Variants in SHF observed in about 807,000 individuals in gnomAD.
SHF encodes the protein Src homology 2 domain containing F.
In SHF, 30 loss-of-function variants were observed where a neutral mutation model predicts 42.4. That is an observed-to-expected ratio of 0.71 (90% CI 0.53 to 0.96). The LOEUF (loss-of-function observed/expected upper bound fraction) is 0.96, where lower values mean the gene tolerates loss of function less well. Among genes scored for constraint, SHF ranks in the 40% least tolerant of loss-of-function variants. The pLI is 0.00. For synonymous variants in SHF, 264 were observed against 269.9 expected (o/e 0.98, Z 0.21); for missense variants, 598 against 634.0 (o/e 0.94, Z 0.61).
upstream of SHF, among the ~76,000 whole-genome samples, chr15:45,188,909 C>G (rs1314776746): frequency 6.6e-6 from 1 of 152,178 alleles, no homozygotes; most frequent in Non-Finnish European, 1.5e-5. Context: ...AAAGCCAGTT[C>G]CGGCTGGGCG....
chr15:45,198,710 G>A, intron 2 of SHF: 1 of 1,547,970 alleles, frequency 6.5e-7, no homozygotes. Context: ...GTTGGCTTCT[G>A]ATTATCCTCT....
chr15:45,194,147 T>C (rs1189501434), intron 2 of SHF, among the ~76,000 whole-genome samples: 1 of 151,534 alleles, frequency 6.6e-6, no homozygotes, highest in African/African-American at 2.4e-5. Context: ...CCTGACATAG[T>C]TCCCAGCTTG....
intron 2 of SHF, among the ~76,000 whole-genome samples, chr15:45,193,163 A>G (rs1898757415): frequency 6.6e-6 from 1 of 152,254 alleles, no homozygotes; most frequent in Non-Finnish European, 1.5e-5. Context: ...ATTGCAAAAT[A>G]GTGACTCTCT....
chr15:45,175,352 A>G lies in SHF; in HGVS notation c.714T>C (p.Asp238=), dbSNP rs762113956. The G allele has an allele frequency of 3.8e-6, 6 of 1,598,644 alleles. No individual in the cohort carries two copies. The highest frequency in any genetic ancestry group is 1.7e-5 in the Admixed American group (1 of 57,830). The change falls in exon 3 of 7, where the codon GAT becomes GAC. Residue 238 remains aspartate, a synonymous_variant. Coordinates refer to ENST00000690270, the MANE Select transcript of SHF (RefSeq NM_001394037.1). ...CCCCCTCACCTTCCGCGGTGGCCCC[A>G]TCCTCCTCTGGCTCATAGGGTGTGT... The part of the protein sequence containing the change: ...LYDTPYEPEE[D]GATAEGEGAP...
intron 1 of SHF, among the ~76,000 whole-genome samples, chr15:45,187,018 G>C (rs953620609): frequency 6.6e-6 from 1 of 152,260 alleles, no homozygotes; most frequent in Non-Finnish European, 1.5e-5. Flanking sequence ...GGAGGGAAGA[G>C]CTTTGTGCTG....
chr15:45,169,023 C>T (rs1399385974), intron 6 of SHF, among the ~76,000 whole-genome samples: 1 of 152,178 alleles, frequency 6.6e-6, no homozygotes, highest in Non-Finnish European at 1.5e-5. Flanking sequence ...AGGTCTGAAA[C>T]TCAAGCACAG....
At chr15:45,186,739 A>G (rs552440685) in intron 1 of SHF, among the ~76,000 whole-genome samples, 4 of 152,256 alleles carry the variant, frequency 2.6e-5, no homozygotes, top group African/African-American at 9.6e-5. Context: ...TGTGGGCAAC[A>G]GGTCCTGAGC....
chr15:45,198,564 G>A (rs1056089688), intron 2 of SHF: 12 of 543,492 alleles, frequency 2.2e-5, no homozygotes, highest in Non-Finnish European at 3.7e-5. Context: ...CAAAAAAGGG[G>A]AAAAAAATAC....
At chr15:45,194,039 T>C (rs1457398862) in intron 2 of SHF, among the ~76,000 whole-genome samples, 1 of 147,290 alleles carries the variant, frequency 6.8e-6, no homozygotes, top group Non-Finnish European at 1.5e-5. Flanking sequence ...GAGGTAGAGG[T>C]TGCTATGAGC....
chr15:45,169,225 G>T (rs1387296950), intron 6 of SHF, among the ~76,000 whole-genome samples: 2 of 152,192 alleles, frequency 1.3e-5, no homozygotes, highest in African/African-American at 4.8e-5. Context: ...TGCCTCCCCT[G>T]ACTGGGTACA....
rs1897923637 is a variant in SHF, at chr15:45,178,145, C to T, written c.640+20G>A. 2.5e-6 allele frequency: 4 copies of T among 1,609,630 alleles called. No individual in the cohort carries two copies. The highest frequency in any genetic ancestry group is 3.4e-6 in the Non-Finnish European group (4 of 1,178,774). On this transcript the variant is annotated intron_variant, in intron 2 of 6. Transcript: ENST00000690270. ...AGAGCCCAGGCCTCAGGGAGCACCT[C>T]CCCTGCCCCTGTCACTCACCGGCCA...
chr15:45,188,154 G>T (rs1431370328), upstream of SHF, among the ~76,000 whole-genome samples: 14 of 152,190 alleles, frequency 9.2e-5, no homozygotes, highest in Admixed American at 3.3e-4. Flanking sequence ...GGTATGCACA[G>T]GCAAGAAGTG....
In SHF at chr15:45,179,819, A is replaced by G. The variant is rs933302913; in HGVS notation, c.499-1513T>C. On this transcript the variant is annotated intron_variant, in intron 1 of 6. Transcript: ENST00000690270. ...CTAGGCTTTGATTCTGAGCCAGACC[A>G]GGGCTGTAGGAGCCAGCTGGGCTGG... 2.6e-5 allele frequency among the ~76,000 whole-genome samples: 4 copies of G among 152,194 alleles called. No homozygotes were observed. The South Asian group carries it at 8.3e-4, about 32-fold the overall frequency.
chr15:45,187,877 C>A lies in SHF; in HGVS notation c.75G>T (p.Pro25=), dbSNP rs1350295878. 1.5e-5 allele frequency: 18 copies of A among 1,170,264 alleles called. No individual in the cohort carries two copies. Among genetic ancestry groups the A allele is most frequent in the African/African-American group, 1.3e-4 (8 of 62,084 alleles). The allele number at this position is 1,170,264 out of a possible 1,614,324, so 72.5% of individuals were successfully genotyped here. The change falls in exon 1 of 7, where the codon CCG becomes CCT. Residue 25 remains proline (P), a synonymous_variant. Transcript: ENST00000690270. ...PRTQGSAGGG[P]GGSRRGAGGA... ...CCCCGGCGCCCCGGCGGGACCCCCC[C>A]GGGCCGCCCCCAGCGCTCCCCTGCG... is the stretch of plus-strand genomic sequence containing the variant.
Position 45,173,685 on chromosome 15 carries a change from C to A in SHF, c.879G>T (p.Trp293Cys), listed in dbSNP as rs2141351161. The stretch of plus-strand genomic sequence containing the variant: ...TGTCCAGCTGTCCCACAGGTGGAGG[C>A]CAAGGTAGGTCTTTGATGACCTTAA... ...VDIKVIKDLPWPPPVGQLDSS... is the reference protein window; with the variant it reads ...VDIKVIKDLPCPPPVGQLDSS... The change falls in exon 4 of 7, where the codon TGG (tryptophan) becomes TGT (cysteine). Residue 293 changes from tryptophan (W) to cysteine (C), a missense_variant. Physicochemically the swap from Trp to Cys is radical, Grantham distance 215. Coordinates refer to ENST00000690270, the MANE Select transcript of SHF (RefSeq NM_001394037.1). 1.9e-6 allele frequency: 3 copies of A among 1,551,692 alleles called. No homozygotes were observed. Among genetic ancestry groups the A allele is most frequent in the Non-Finnish European group, 2.6e-6 (3 of 1,146,978 alleles).
chr15:45,186,572 C>T (rs1011892901), intron 1 of SHF, among the ~76,000 whole-genome samples: 1 of 152,182 alleles, frequency 6.6e-6, no homozygotes, highest in Non-Finnish European at 1.5e-5. Context: ...AAGGCCAACC[C>T]GAATCAGGGC....
chr15:45,172,782 G>C (rs1050124504), intron 4 of SHF, among the ~76,000 whole-genome samples: 1 of 152,126 alleles, frequency 6.6e-6, no homozygotes, highest in Non-Finnish European at 1.5e-5. Context: ...TCCCCTTGGT[G>C]CCATCCTGAC....
chr15:45,200,466 A>G (rs940326243), intron 1 of SHF: 8 of 327,894 alleles, frequency 2.4e-5, no homozygotes, highest in Admixed American at 3.8e-5. Flanking sequence ...CAGAGTACTA[A>G]CCACTATACG....
At chr15:45,173,429 C>T (rs888982660) in intron 4 of SHF, 147 bp downstream of exon 4, 14 of 1,230,748 alleles carry the variant, frequency 1.1e-5, no homozygotes, top group South Asian at 1.9e-5. Context: ...AAGGGAGGAA[C>T]GTGCATTTTG....
Sources: gnomAD v4.1 joint callset for allele counts (sites outside exome capture counted in the v4.1 genomes callset) on GRCh38, gnomAD v4.1.1 for gene constraint, MANE v1.5 for transcripts, NCBI Gene and HGNC (gene_info 2026-07-23, HGNC 2026-07-21) for gene names.